The following FGF12 variants were observed in gnomAD, a reference collection of about 807,000 sequenced individuals.
FGF12 encodes the protein fibroblast growth factor 12B.
A neutral mutation model predicts 23.6 loss-of-function variants in FGF12; 14 were observed. The ratio of observed to expected loss-of-function variants is 0.59; its 90% confidence interval spans 0.39 to 0.93. FGF12 has a LOEUF of 0.93. Ranked by LOEUF, FGF12 falls within the 40% of genes least tolerant of loss-of-function variation. The pLI is 0.00. For synonymous variants in FGF12, 62 were observed against 77.3 expected (o/e 0.80, Z 1.04); for missense variants, 175 against 217.8 (o/e 0.80, Z 1.24).
chr3:192,170,287 A>T (rs1414620074), intron 5 of FGF12, among the ~76,000 whole-genome samples, 171 bp downstream of exon 5: 1 of 145,230 alleles, frequency 6.9e-6, no homozygotes, highest in Admixed American at 6.8e-5. Flanking sequence ...CTCAAAAGAA[A>T]AAAAAAAAAA....
chr3:192,552,968 T>C (rs1173870433), intron 2 of FGF12, among the ~76,000 whole-genome samples: 1 of 151,978 alleles, frequency 6.6e-6, no homozygotes, highest in African/African-American at 2.4e-5. Flanking sequence ...ACAACAGCTG[T>C]AAAGTACTGA....
intron 2 of FGF12, among the ~76,000 whole-genome samples, chr3:192,602,670 G>A (rs1156360177): frequency 1.3e-5 from 2 of 151,000 alleles, no homozygotes; most frequent in African/African-American, 2.4e-5. Flanking sequence ...CCAGGAAAAC[G>A]TTGCTGTTTA....
chr3:192,205,091 G>GTA (rs2108667796), intron 4 of FGF12, among the ~76,000 whole-genome samples: 1 of 152,180 alleles, frequency 6.6e-6, no homozygotes, highest in South Asian at 2.1e-4. Flanking sequence ...TGTGGAAGAA[G>GTA]TATCCTCTGT....
intron 2 of FGF12, chr3:192,516,551 C>T (rs1324819373): frequency 1.3e-5 from 2 of 152,268 alleles, no homozygotes; most frequent in Non-Finnish European, 2.9e-5. Flanking sequence ...GAAGAAGTCT[C>T]TTCCTTTTTT....
At chr3:192,555,480 A>G (rs144644884) in intron 2 of FGF12, among the ~76,000 whole-genome samples, 1 of 152,076 alleles carries the variant, frequency 6.6e-6, no homozygotes, top group Non-Finnish European at 1.5e-5. Flanking sequence ...ATGATAATAC[A>G]CAATATAAAA....
intron 3 of FGF12, among the ~76,000 whole-genome samples, chr3:192,353,320 G>T (rs1021965479): frequency 8.7e-5 from 11 of 126,012 alleles, no homozygotes; most frequent in African/African-American, 4.4e-4. Context: ...CATTTCAAAT[G>T]ACTCGTTTTG....
At chr3:192,566,377 A>G (rs1712280351) in intron 2 of FGF12, among the ~76,000 whole-genome samples, 1 of 152,234 alleles carries the variant, frequency 6.6e-6, no homozygotes, top group African/African-American at 2.4e-5. Flanking sequence ...TAGGAAGACC[A>G]GGTATTAAAA....
intron 4 of FGF12, among the ~76,000 whole-genome samples, chr3:192,280,382 A>T (rs1292433616): frequency 6.6e-6 from 1 of 152,138 alleles, no homozygotes; most frequent in Non-Finnish European, 1.5e-5. Context: ...ATTAGAAAAT[A>T]ACTCAATATT....
intron 2 of FGF12, among the ~76,000 whole-genome samples, chr3:192,593,316 G>A (rs967152851): frequency 6.6e-6 from 1 of 151,646 alleles, no homozygotes; most frequent in African/African-American, 2.4e-5. Flanking sequence ...ATGCACCTGC[G>A]TGACCCTCTT....
chr3:192,572,497 G>C (rs1430103968), intron 2 of FGF12, among the ~76,000 whole-genome samples: 4 of 152,108 alleles, frequency 2.6e-5, no homozygotes, highest in Non-Finnish European at 5.9e-5. Flanking sequence ...TGCTATATAA[G>C]GGCAACATAA....
At chr3:192,261,511 G>C (rs1369213938) in intron 4 of FGF12, among the ~76,000 whole-genome samples, 1 of 152,136 alleles carries the variant, frequency 6.6e-6, no homozygotes, top group East Asian at 1.9e-4. Context: ...TAACACCTTG[G>C]ACTCCATTCT....
chr3:192,232,197 G>A (rs181535714), intron 4 of FGF12, among the ~76,000 whole-genome samples: 78 of 152,170 alleles, frequency 5.1e-4, no homozygotes, highest in African/African-American at 1.7e-3. Flanking sequence ...TGGGAAATGA[G>A]CTTGTCTATT....
intron 5 of FGF12, among the ~76,000 whole-genome samples, chr3:192,148,837 G>C (rs1303371371): frequency 1.3e-5 from 2 of 152,190 alleles, no homozygotes; most frequent in African/African-American, 2.4e-5. Context: ...AGAGAAATCT[G>C]ATGAAAATAT....
chr3:192,511,674 A>G (rs1333912604), intron 2 of FGF12, among the ~76,000 whole-genome samples: 1 of 152,158 alleles, frequency 6.6e-6, no homozygotes, highest in Non-Finnish European at 1.5e-5. Context: ...GAAATCTTTC[A>G]TTTAATGGAT....
intron 2 of FGF12, among the ~76,000 whole-genome samples, chr3:192,411,293 G>T (rs1203925827): frequency 6.6e-6 from 1 of 152,190 alleles, no homozygotes; most frequent in East Asian, 1.9e-4. Flanking sequence ...GCTGCCAGCT[G>T]GGCAAAGCAG....
In FGF12 at chr3:192,651,985, G is replaced by T. The variant is rs563564438; in HGVS notation, c.13+75196C>A. 2.9e-4 allele frequency among the ~76,000 whole-genome samples: 44 copies of T among 152,280 alleles called. No individual in the cohort carries two copies. The East Asian group carries it at 4.4e-3, about 15-fold the overall frequency. ...TGCAGAGGATGTGGCTAAGTGAGAA[G>T]AGAAGAGATTGGAAGGCTCATTTAT... On this transcript the variant is annotated intron_variant, in intron 2 of 5. Coordinates refer to ENST00000445105, the MANE Select transcript of FGF12 (RefSeq NM_004113.6).
chr3:192,348,785 T>C (rs1009324813), intron 3 of FGF12, among the ~76,000 whole-genome samples: 1 of 152,172 alleles, frequency 6.6e-6, no homozygotes, highest in African/African-American at 2.4e-5. Flanking sequence ...TTTAAGGCCA[T>C]GGACTAATTA....
chr3:192,341,711 G>A (rs1717700114), intron 3 of FGF12, among the ~76,000 whole-genome samples: 2 of 152,128 alleles, frequency 1.3e-5, no homozygotes, highest in African/African-American at 4.8e-5. Context: ...AAACTAAATA[G>A]ATAATATTCA....
At chr3:192,302,507 T>C (rs1394519308) in intron 4 of FGF12, among the ~76,000 whole-genome samples, 1 of 152,190 alleles carries the variant, frequency 6.6e-6, no homozygotes, top group African/African-American at 2.4e-5. Flanking sequence ...ACTAATTCAC[T>C]AAATGTCTAG....
Sources: gnomAD v4.1 joint callset for allele counts (sites outside exome capture counted in the v4.1 genomes callset) on GRCh38, gnomAD v4.1.1 for gene constraint, MANE v1.5 for transcripts, NCBI Gene and HGNC (gene_info 2026-07-23, HGNC 2026-07-21) for gene names.